ADAMTS12: variants seen among roughly 807,000 people sequenced by gnomAD.
The protein encoded by ADAMTS12 is A disintegrin and metalloproteinase with thrombospondin motifs 12.
ADAMTS12 carries 118 observed loss-of-function variants against 167.8 expected under a neutral mutation model. The ratio of observed to expected loss-of-function variants is 0.70; its 90% CI spans 0.61 to 0.82. The LOEUF (loss-of-function observed/expected upper bound fraction) is 0.82. ADAMTS12 is among the 40% of genes least tolerant of loss of function. ADAMTS12 has a pLI of 0.00. For missense variants in ADAMTS12, 1,916 were observed against 1,998.8 expected, an observed-to-expected ratio of 0.96 and a Z score of 0.79; for synonymous variants, 704 against 716.9, an observed-to-expected ratio of 0.98 and a Z score of 0.29.
chr5:33,581,093 G>C (rs1747041597), intron 18 of ADAMTS12, among the ~76,000 whole-genome samples: 1 of 152,214 alleles, frequency 6.6e-6, no homozygotes, highest in African/African-American at 2.4e-5. Flanking sequence ...AGAACAGGCA[G>C]TGCTGCTTTG....
intron 7 of ADAMTS12, among the ~76,000 whole-genome samples, chr5:33,652,825 T>G (rs1220885306): frequency 2.0e-5 from 3 of 152,182 alleles, no homozygotes; most frequent in Non-Finnish European, 4.4e-5. Flanking sequence ...TTCATTCTTC[T>G]GCGTGTGGCT....
In ADAMTS12 at chr5:33,626,401, G is replaced by A. The variant is rs539818963; in HGVS notation, c.2023-2050C>T. Among the ~76,000 whole-genome samples, 162 of 149,968 alleles carry A rather than the reference G, an allele frequency of 1.1e-3. 1 individual carries two copies. The highest frequency in any genetic ancestry group is 3.8e-3 in the African/African-American group (155 of 40,444). ...GGGGGTGATGGTAGTGGTGATGGTG[G>A]TGGGGGTGATGGTGATAGTGGTGAT... is the stretch of plus-strand genomic sequence containing the variant. On this transcript the variant is annotated intron_variant, in intron 13 of 23. Transcript: ENST00000504830.
chr5:33,848,305 C>A (rs905613512), intron 2 of ADAMTS12, among the ~76,000 whole-genome samples: 1 of 152,062 alleles, frequency 6.6e-6, no homozygotes, highest in Non-Finnish European at 1.5e-5. Flanking sequence ...TCAGCTCAGC[C>A]AGAATCCAGA....
intron 21 of ADAMTS12, 136 bp downstream of exon 21, chr5:33,549,071 G>A: frequency 9.2e-7 from 1 of 1,083,858 alleles, no homozygotes; most frequent in South Asian, 1.7e-5. Context: ...CATACAGGGT[G>A]GGGTCACTGA....
chr5:33,670,843 T>C (rs928625550), intron 5 of ADAMTS12, among the ~76,000 whole-genome samples: 1 of 152,322 alleles, frequency 6.6e-6, no homozygotes, highest in South Asian at 2.1e-4. Flanking sequence ...CGAGGACTTA[T>C]GTTCACACAA....
chr5:33,750,663 A>G (rs1353458552), intron 3 of ADAMTS12, among the ~76,000 whole-genome samples: 3 of 152,182 alleles, frequency 2.0e-5, no homozygotes, highest in African/African-American at 4.8e-5. Context: ...CCGATTCCCA[A>G]TCCCGATAAA....
At chr5:33,560,145 T>C (rs1240500823) in intron 20 of ADAMTS12, among the ~76,000 whole-genome samples, 2 of 152,228 alleles carry the variant, frequency 1.3e-5, no homozygotes, top group Non-Finnish European at 2.9e-5. Flanking sequence ...ACTTTTCTGG[T>C]TTATCTTGTA....
Position 33,590,708 on chromosome 5 carries a change from C to T in ADAMTS12, c.2655-1899G>A, listed in dbSNP as rs116926814. Among the ~76,000 whole-genome samples the T allele has an allele frequency of 1.6e-3, 243 of 152,282 alleles. 1 individual carries two copies. The highest frequency in any genetic ancestry group is 0.015 in the East Asian group (80 of 5,180). On this transcript the variant is annotated intron_variant, in intron 17 of 23. Transcript: ENST00000504830. ...CACCCAGGCTAGTCTCGAACTCCTG[C>T]GCTCAAGTAATCCTGCCGCGGCCTC...
At chr5:33,798,779 C>T (rs1363476281) in intron 2 of ADAMTS12, among the ~76,000 whole-genome samples, 1 of 152,098 alleles carries the variant, frequency 6.6e-6, no homozygotes, top group Non-Finnish European at 1.5e-5. Context: ...ATTAAGAGCT[C>T]ACTCTTATGA....
intron 5 of ADAMTS12, among the ~76,000 whole-genome samples, chr5:33,671,937 T>TAC (rs149375210): frequency 3.9e-5 from 5 of 128,346 alleles, no homozygotes; most frequent in Non-Finnish European, 8.3e-5. Flanking sequence ...CATACTCACA[T>TAC]ACACACACAC....
intron 9 of ADAMTS12, among the ~76,000 whole-genome samples, chr5:33,647,517 A>T (rs1397482878): frequency 1.3e-5 from 2 of 152,138 alleles, no homozygotes; most frequent in African/African-American, 2.4e-5. Context: ...GATCACCTGA[A>T]GTCAGGAGTT....
intron 3 of ADAMTS12, among the ~76,000 whole-genome samples, chr5:33,688,810 C>T (rs534816934): frequency 6.6e-6 from 1 of 152,184 alleles, no homozygotes; most frequent in Non-Finnish European, 1.5e-5. Context: ...CCAGCCCAAC[C>T]CTTCCCTCAT....
In ADAMTS12 at chr5:33,542,720, C is replaced by T. The variant is rs981731642; in HGVS notation, c.4446+3339G>A. On this transcript the variant is annotated intron_variant, in intron 22 of 23. Transcript: ENST00000504830. ...TAGGATTAAGAAACTCACTCAAAAC[C>T]ACACAACTATATGGAAACTGAACAA... Among the ~76,000 whole-genome samples, 5 of 152,092 alleles carry T rather than the reference C, an allele frequency of 3.3e-5. No individual in the cohort carries two copies. In the East Asian group the frequency reaches 9.6e-4, roughly 29 times the overall value.
chr5:33,549,527 A>T, intron 20 of ADAMTS12, 144 bp from the exon 21 acceptor site: 2 of 977,488 alleles, frequency 2.0e-6, no homozygotes, highest in Admixed American at 5.3e-5. Flanking sequence ...TCCCTCCCAC[A>T]CCACAGAGCA....
chr5:33,577,298 T>G (rs1446573369), intron 18 of ADAMTS12, 138 bp from the exon 19 acceptor site: 31 of 1,265,004 alleles, frequency 2.5e-5, no homozygotes. Context: ...ATTTGGTTTC[T>G]GTGCTCTTTC....
At chr5:33,721,712 G>C (rs1743812759) in intron 3 of ADAMTS12, among the ~76,000 whole-genome samples, 2 of 152,242 alleles carry the variant, frequency 1.3e-5, no homozygotes. Flanking sequence ...ATCCTGAGTT[G>C]GAGTTGGATT....
chr5:33,749,270 G>A (rs796867131), intron 3 of ADAMTS12, among the ~76,000 whole-genome samples: 27 of 152,222 alleles, frequency 1.8e-4, no homozygotes, highest in African/African-American at 6.3e-4. Flanking sequence ...TATATTCAAG[G>A]AAGACTTAAA....
intron 23 of ADAMTS12, among the ~76,000 whole-genome samples, chr5:33,527,655 T>G (rs1743889338): frequency 1.3e-5 from 2 of 152,216 alleles, no homozygotes; most frequent in African/African-American, 4.8e-5. Flanking sequence ...TCCCAACTAC[T>G]TGCCTTTGGG....
intron 3 of ADAMTS12, among the ~76,000 whole-genome samples, chr5:33,686,990 A>G (rs1742357988): frequency 6.6e-6 from 1 of 150,798 alleles, no homozygotes; most frequent in African/African-American, 2.4e-5. Context: ...TTGATCTTGG[A>G]CTTCAAGTCT....
Sources: allele counts gnomAD v4.1 joint callset (sites outside exome capture counted in the v4.1 genomes callset), GRCh38; gene constraint gnomAD v4.1.1; transcripts MANE v1.5; gene names NCBI Gene and HGNC (gene_info 2026-07-23, HGNC 2026-07-21).